The following POLE variants were observed in gnomAD, a reference collection of about 807,000 sequenced individuals.
The protein encoded by POLE is DNA polymerase epsilon catalytic subunit A.
Under a neutral mutation model 279.2 loss-of-function variants are expected in POLE, and 188 were observed. The ratio of observed to expected loss-of-function variants is 0.67; its 90% CI spans 0.60 to 0.76. The LOEUF (loss-of-function observed/expected upper bound fraction) is 0.76, where lower values mean the gene tolerates loss of function less well. Ranked by LOEUF, POLE falls within the 30% of genes least tolerant of loss-of-function variation. The pLI is 0.00. For missense variants in POLE, 2,703 were observed against 3,016.7 expected, an observed-to-expected ratio of 0.90 and a Z score of 2.44; for synonymous variants, 1,214 against 1,172.5, an observed-to-expected ratio of 1.04 and a Z score of -0.72.
At position 132,657,841 on chromosome 12, in the gene POLE, A is replaced by G. The variant is rs376940236; in HGVS notation, c.3378+27T>C. The stretch of plus-strand genomic sequence containing the variant: ...GTCTAGCTTTCCTTGTAAACTTTTA[A>G]GAGTAGAGAACGCAACTGGCACTCA... On this transcript the variant is annotated intron_variant, in intron 27 of 48. Coordinates refer to ENST00000320574, the MANE Select transcript of POLE (RefSeq NM_006231.4). 4.3e-5 allele frequency: 63 copies of G among 1,456,270 alleles called. No homozygotes were observed. The African/African-American group carries it at 7.9e-4, about 18-fold the overall frequency. 90.2% of individuals were successfully genotyped at this position (1,456,270 alleles called of 1,614,324 possible). A position where few individuals can be genotyped will look rare whatever the true frequency, so the allele number is the denominator to read the frequency against.
chr12:132,654,162 G>A (rs1007099873), intron 29 of POLE, among the ~76,000 whole-genome samples: 1 of 150,992 alleles, frequency 6.6e-6, no homozygotes, highest in Non-Finnish European at 1.5e-5. Context: ...AATGAGCTAA[G>A]GGTTTTTTTT....
intron 29 of POLE, among the ~76,000 whole-genome samples, chr12:132,653,859 A>G (rs1593759281): frequency 6.6e-6 from 1 of 151,510 alleles, no homozygotes; most frequent in African/African-American, 2.4e-5. Flanking sequence ...GATTGTTCAA[A>G]CTTTAACATG....
chr12:132,672,396 G>A, intron 15 of POLE, 74 bp from the exon 16 acceptor site: 1 of 1,269,460 alleles, frequency 7.9e-7, no homozygotes, highest in Non-Finnish European at 1.1e-6. Flanking sequence ...TTGACGCTGT[G>A]GCTGCACGTG....
At chr12:132,642,151 T>TGGGCCTCGTCCTCCCGCCCACTTAC in intron 38 of POLE, 26 bp downstream of exon 38, 1 of 1,502,764 alleles carries the variant, frequency 6.7e-7, no homozygotes, top group East Asian at 2.3e-5. Flanking sequence ...CCAGGTCTCA[T>TGGGCCTCGTCCTCCCGCCCACTTAC]GGGCCTCGTC....
rs781513537 is a variant in POLE at position 132,681,248 on chromosome 12, G to A, written c.94C>T (p.Leu32Phe). The A allele has an allele frequency of 1.9e-5, 30 of 1,614,098 alleles. No homozygotes were observed. In the Admixed American group the frequency reaches 4.8e-4, roughly 26 times the overall value. ...CACTGACTCCGTTCCAGGCGCTTGA[G>A]TGCCGAAACTGAGGAAGTGGCGCCA... ...DDGATSSVSALKRLERSQWTD... is the reference protein window; with the variant it reads ...DDGATSSVSAFKRLERSQWTD... Residue 32 changes from leucine (L) to phenylalanine (F), a missense_variant, in exon 2 of 49, where the codon CTC (leucine) becomes TTC (phenylalanine). Around this residue, in one of 5 missense-constraint regions of POLE, gnomAD observed 1,011 missense variants for 1,111.7 expected, o/e 0.91. Transcript: ENST00000320574.
rs1474130622 is a variant in POLE, at chr12:132,668,247, GACA to G, written c.2173+106_2173+108del. ...CCTAGAGCAGCTTCTGGTCTGCTGT[GACA>G]ACACCTCTGGGGCCCCAGCTGGGAT... On this transcript the variant is annotated intron_variant, in intron 19 of 48. Coordinates refer to ENST00000320574, the MANE Select transcript of POLE (RefSeq NM_006231.4). This position sits in a 1 kb window ranked among gnomAD's most constrained non-coding sequence, Gnocchi z 4.0. The G allele has an allele frequency of 2.0e-5, 26 of 1,328,384 alleles. No individual in the cohort carries two copies. The highest frequency in any genetic ancestry group is 2.5e-5 in the Non-Finnish European group (25 of 988,992). 82.3% of individuals were successfully genotyped at this position (1,328,384 alleles called of 1,614,324 possible).
At chr12:132,625,602 T>A in intron 47 of POLE, 43 bp downstream of exon 47, 1 of 1,607,748 alleles carries the variant, frequency 6.2e-7, no homozygotes, top group Non-Finnish European at 8.5e-7. Context: ...GAAACCCCCC[T>A]GTGGACTCCA....
At chr12:132,663,899 G>A (rs527339111) in intron 23 of POLE, 105 bp downstream of exon 23, 270 of 1,199,416 alleles carry the variant, frequency 2.3e-4, no homozygotes, top group Non-Finnish European at 3.0e-4. Flanking sequence ...GAGCAGTGCT[G>A]GGTGCCAGGA....
At chr12:132,637,414 A>G (rs1469756494) in intron 41 of POLE, among the ~76,000 whole-genome samples, 1 of 152,178 alleles carries the variant, frequency 6.6e-6, no homozygotes, top group Non-Finnish European at 1.5e-5. Context: ...CCTAGGAGGG[A>G]GCTTCCTACT....
rs1555223013 is a variant in POLE at position 132,643,532 on chromosome 12, T to G, written c.4319A>C (p.His1440Pro). 2 of 1,614,080 alleles carry G rather than the reference T, an allele frequency of 1.2e-6. No individual in the cohort carries two copies. The highest frequency in any genetic ancestry group is 1.7e-6 in the Non-Finnish European group (2 of 1,180,010). ...QVPLLFRALV[H>P]LGCVCVVNKQ... Reference sequence around the variant, plus strand: ...ATTGACCACACACACACAGCCCAGGTGCACCAGGGCCCGGAACAGTAACGG... The same window carrying G: ...ATTGACCACACACACACAGCCCAGGGGCACCAGGGCCCGGAACAGTAACGG... The change falls in exon 34 of 49, where the codon CAC becomes CCC. Residue 1440 changes from histidine to proline, a missense_variant. By Grantham distance (77) the His-to-Pro change is moderately conservative. This residue lies in a region of POLE where 1,551 missense variants were observed against 1,686.1 expected (regional missense o/e 0.92). Transcript: ENST00000320574.
intron 42 of POLE, 119 bp downstream of exon 42, chr12:132,635,773 C>T (rs1046612469): frequency 2.0e-5 from 19 of 964,918 alleles, no homozygotes; most frequent in African/African-American, 8.2e-5. Flanking sequence ...GGGCAGGATG[C>T]GGGTGCAGTG....
intron 42 of POLE, among the ~76,000 whole-genome samples, chr12:132,635,539 C>G (rs955738890): frequency 3.9e-5 from 6 of 152,272 alleles, no homozygotes; most frequent in Non-Finnish European, 8.8e-5. Context: ...GCATCTGCAA[C>G]CACTGCTCCA....
intron 3 of POLE, 127 bp downstream of exon 3, chr12:132,680,480 G>A: frequency 2.6e-6 from 2 of 761,672 alleles, no homozygotes. Context: ...GGGGCCTCCA[G>A]GGGCCCGAGT....
intron 5 of POLE, 115 bp downstream of exon 5, chr12:132,679,839 A>G: frequency 3.1e-6 from 3 of 978,188 alleles, no homozygotes; most frequent in Non-Finnish European, 3.1e-6. Flanking sequence ...GACGGTCACC[A>G]CACCGCCCCA....
chr12:132,659,672 T>TAC lies in POLE; in HGVS notation c.3061-165_3061-164dup, dbSNP rs559768168. On this transcript the variant is annotated intron_variant, in intron 25 of 48. Coordinates refer to ENST00000320574, the MANE Select transcript of POLE (RefSeq NM_006231.4). Reference sequence around the variant, plus strand: ...GCCTGTGTGGCAATACTTTAAAACATACACACACACACAAAACTTTAGCTT... The same window carrying TAC: ...GCCTGTGTGGCAATACTTTAAAACATACACACACACACACAAAACTTTAGCTT... 281 of 605,644 alleles carry TAC rather than the reference T, an allele frequency of 4.6e-4. 2 individuals are homozygous for TAC. Among genetic ancestry groups the TAC allele is most frequent in the South Asian group, 2.3e-3 (114 of 50,242 alleles). The allele number at this position is 605,644 out of a possible 1,614,324, so 37.5% of individuals were successfully genotyped here. A position where few individuals can be genotyped will look rare whatever the true frequency, so the allele number is the denominator to read the frequency against.
chr12:132,675,206 T>C lies in POLE; in HGVS notation c.1226+192A>G, dbSNP rs2043016806. On this transcript the variant is annotated intron_variant, in intron 12 of 48. Transcript: ENST00000320574. This position sits in a 1 kb window ranked among gnomAD's most constrained non-coding sequence, Gnocchi z 4.3. Reference sequence around the variant, plus strand: ...AATGTGCCTGGTCACTGATGAATTGTCAGTCAACAGTCAAAGACAGCACAT... The same window carrying C: ...AATGTGCCTGGTCACTGATGAATTGCCAGTCAACAGTCAAAGACAGCACAT... Among the ~76,000 whole-genome samples, 1 of 152,202 alleles carries C rather than the reference T, an allele frequency of 6.6e-6. No individual in the cohort carries two copies. Among genetic ancestry groups the C allele is most frequent in the African/African-American group, 2.4e-5 (1 of 41,456 alleles).
intron 9 of POLE, 46 bp downstream of exon 9, chr12:132,676,500 A>G (rs1435899673): frequency 4.3e-6 from 5 of 1,153,046 alleles, no homozygotes; most frequent in Non-Finnish European, 6.6e-6. Context: ...GGGACCAGAC[A>G]AGGTCCCCAT....
At chr12:132,643,115 C>A in intron 35 of POLE, 109 bp downstream of exon 35, 1 of 1,476,314 alleles carries the variant, frequency 6.8e-7, no homozygotes, top group Non-Finnish European at 9.2e-7. Flanking sequence ...CACTCATGGG[C>A]AAAGGCCCTT....
chr12:132,677,864 G>C (rs911763134), intron 6 of POLE, 145 bp from the exon 7 acceptor site: 2 of 765,556 alleles, frequency 2.6e-6, no homozygotes, highest in Non-Finnish European at 4.2e-6. Context: ...CAACGACCAA[G>C]GCAGTCCTTC....
Sources: allele counts gnomAD v4.1 joint callset (sites outside exome capture counted in the v4.1 genomes callset), GRCh38; gene constraint gnomAD v4.1.1; regional missense constraint gnomAD v4.1.1; non-coding constraint Gnocchi (gnomAD v3.1); transcripts MANE v1.5; gene names NCBI Gene and HGNC (gene_info 2026-07-23, HGNC 2026-07-21).